FOXP2: variants seen among roughly 807,000 people sequenced by gnomAD.
The protein encoded by FOXP2 is forkhead box P2.
FOXP2 carries 12 observed loss-of-function variants against 115.8 expected under a neutral mutation model. The observed-to-expected ratio is 0.10, with a 90% CI of 0.07 to 0.17. The LOEUF is 0.17. Ranked by LOEUF, FOXP2 falls within the 10% of genes least tolerant of loss-of-function variation. The pLI, the probability that FOXP2 is intolerant of heterozygous loss-of-function variation, is 1.00. For synonymous variants in FOXP2, 328 were observed against 297.7 expected, an observed-to-expected ratio of 1.10 and a Z score of -1.05; for missense variants, 629 against 843.5, an observed-to-expected ratio of 0.75 and a Z score of 3.15.
chr7:114,574,893 T>C (rs1242290511), intron 3 of FOXP2, among the ~76,000 whole-genome samples: 1 of 151,906 alleles, frequency 6.6e-6, no homozygotes, highest in Non-Finnish European at 1.5e-5. Context: ...GTATAACTGC[T>C]TTATTTTCCA....
chr7:114,125,967 G>A (rs1418659794), intron 1 of FOXP2, among the ~76,000 whole-genome samples: 1 of 152,118 alleles, frequency 6.6e-6, no homozygotes, highest in Non-Finnish European at 1.5e-5. Flanking sequence ...TAACAGTTCA[G>A]TTGCATTTCA....
chr7:114,385,974 G>T lies in FOXP2; in HGVS notation c.-10-40528G>T, dbSNP rs572294573. 1.0e-3 allele frequency among the ~76,000 whole-genome samples: 156 copies of T among 152,364 alleles called. 1 individual carries two copies. The highest frequency in any genetic ancestry group is 3.6e-3 in the African/African-American group (148 of 41,588). Reference sequence around the variant, plus strand: ...CTATTAGAAGCCGTGGGTCACGGAAGAGAACCATGGAACCCAGTGACTAGT... The same window carrying T: ...CTATTAGAAGCCGTGGGTCACGGAATAGAACCATGGAACCCAGTGACTAGT... On this transcript the variant is annotated intron_variant, in intron 2 of 17. Coordinates refer to the FOXP2 transcript ENST00000634411.
intron 3 of FOXP2, among the ~76,000 whole-genome samples, chr7:114,606,884 C>T (rs575978957): frequency 4.6e-5 from 7 of 152,018 alleles, no homozygotes; most frequent in South Asian, 4.2e-4. Flanking sequence ...ATTTAATGCT[C>T]GCAATTAATG....
chr7:114,354,992 CAT>C (rs1433351010), intron 2 of FOXP2, among the ~76,000 whole-genome samples: 2 of 152,254 alleles, frequency 1.3e-5, no homozygotes, highest in Admixed American at 6.5e-5. Flanking sequence ...TCTTTGAAGA[CAT>C]GTCATCCATT....
Position 114,642,553 on chromosome 7 carries a change from G to A in FOXP2, c.919G>A (p.Ala307Thr). Residue 307 changes from alanine to threonine, a missense_variant, in exon 7 of 17, where the codon GCA (alanine) becomes ACA (threonine). Around this residue, in one of 9 missense-constraint regions of FOXP2, gnomAD observed 92 missense variants for 80.1 expected, o/e 1.15. Coordinates refer to ENST00000350908, the MANE Select transcript of FOXP2 (RefSeq NM_014491.4). ...SSTTSSNTSK[A>T]SPPITHHSIV... is the part of the protein sequence containing the mutation. ...GACTACCTCCTCCAACACTTCCAAA[G>A]CATCACCACCAATAACTCATCATTC... 1.9e-6 allele frequency: 3 copies of A among 1,613,688 alleles called. No individual in the cohort carries two copies. Among genetic ancestry groups the A allele is most frequent in the Non-Finnish European group, 1.7e-6 (2 of 1,179,924 alleles).
At chr7:114,127,147 C>G (rs950407010) in intron 1 of FOXP2, among the ~76,000 whole-genome samples, 6 of 152,104 alleles carry the variant, frequency 3.9e-5, no homozygotes, top group Non-Finnish European at 5.9e-5. Flanking sequence ...GCCTTTGTTC[C>G]TTGCTGGTTG....
In FOXP2 at chr7:114,587,643, G is replaced by A. The variant is rs114180507; in HGVS notation, c.259-40897G>A. ...GCAAATCCAAACACATAAAAATGTA[G>A]TAATTGTTAAGACTGGAAAACTGTG... On this transcript the variant is annotated intron_variant, in intron 3 of 16. Transcript: ENST00000350908. Among the ~76,000 whole-genome samples, 479 of 151,778 alleles carry A rather than the reference G, an allele frequency of 3.2e-3. 3 individuals carry two copies. Among genetic ancestry groups the A allele is most frequent in the African/African-American group, 0.011 (458 of 41,414 alleles).
At chr7:114,241,287 T>A (rs1359284660) in intron 1 of FOXP2, among the ~76,000 whole-genome samples, 1 of 152,086 alleles carries the variant, frequency 6.6e-6, no homozygotes, top group Non-Finnish European at 1.5e-5. Flanking sequence ...TTTTGTATGC[T>A]CATTCAGTAA....
chr7:114,090,858 T>A (rs912800477), intron 1 of FOXP2, among the ~76,000 whole-genome samples: 3 of 151,482 alleles, frequency 2.0e-5, no homozygotes, highest in African/African-American at 7.3e-5. Flanking sequence ...TGCTTTCTTA[T>A]GGAGGTATTC....
In FOXP2 at chr7:114,575,228, C is replaced by G. The variant is rs77147444; in HGVS notation, c.258+40522C>G. Among the ~76,000 whole-genome samples the G allele has an allele frequency of 3.0e-3, 459 of 151,800 alleles. 3 individuals carry two copies. Among genetic ancestry groups the G allele is most frequent in the African/African-American group, 0.01 (430 of 41,458 alleles). On this transcript the variant is annotated intron_variant, in intron 3 of 16. Coordinates refer to ENST00000350908, the MANE Select transcript of FOXP2 (RefSeq NM_014491.4). ...AAATTATAACAATAATACTACCTAC[C>G]TCATAAGGTGGTAACGGGAATTAAA... is the stretch of plus-strand genomic sequence containing the variant.
chr7:114,444,558 G>A (rs1794747084), intron 2 of FOXP2, among the ~76,000 whole-genome samples: 1 of 152,048 alleles, frequency 6.6e-6, no homozygotes, highest in Non-Finnish European at 1.5e-5. Flanking sequence ...TTATTAATTG[G>A]TATATGAATT....
rs114052255 is a variant in FOXP2 at position 114,306,687 on chromosome 7, G to A, written c.-11+18578G>A. On this transcript the variant is annotated intron_variant, in intron 2 of 17. Coordinates refer to the FOXP2 transcript ENST00000634411. The stretch of plus-strand genomic sequence containing the variant: ...ATAAACTTATTATCTCATAGTTCTG[G>A]AAGTCAGAAGTATGACATAGATTTC... 5.1e-3 allele frequency among the ~76,000 whole-genome samples: 780 copies of A among 152,216 alleles called. 8 individuals are homozygous for A. Among genetic ancestry groups the A allele is most frequent in the African/African-American group, 0.017 (687 of 41,514 alleles).
Position 114,231,040 on chromosome 7 carries a change from A to C in FOXP2, c.-101-56979A>C, listed in dbSNP as rs1584562366. 1.3e-5 allele frequency among the ~76,000 whole-genome samples: 2 copies of C among 151,764 alleles called. 1 individual carries two copies. The highest frequency in any genetic ancestry group is 4.2e-4 in the South Asian group (2 of 4,814). ...TTAGAAGCAATAAATGAATTCAGCAAATTTGCAGGATACGATATCAACATA... is the reference window on the plus strand; with the variant it reads ...TTAGAAGCAATAAATGAATTCAGCACATTTGCAGGATACGATATCAACATA... On this transcript the variant is annotated intron_variant, in intron 1 of 17. Coordinates refer to the FOXP2 transcript ENST00000634411.
rs1804803051 is a variant in FOXP2 at position 114,629,930 on chromosome 7, A to ACAGCAGCAACAACAG, written c.531_545dup (p.Gln187_Gln191dup). ...AACAGCAGCAGCAACAACAACAACA[A>ACAGCAGCAACAACAG]CAGCAGCAACAACAGCAGCAGCAGC... On this transcript the variant is annotated inframe_insertion, in exon 5 of 17. Coordinates refer to ENST00000350908, the MANE Select transcript of FOXP2 (RefSeq NM_014491.4). The ACAGCAGCAACAACAG allele has an allele frequency of 6.3e-7, 1 of 1,596,544 alleles. No homozygotes were observed. Among genetic ancestry groups the ACAGCAGCAACAACAG allele is most frequent in the Non-Finnish European group, 8.5e-7 (1 of 1,173,692 alleles).
intron 2 of FOXP2, among the ~76,000 whole-genome samples, chr7:114,357,536 G>T (rs1488690346): frequency 6.6e-6 from 1 of 152,122 alleles, no homozygotes; most frequent in East Asian, 1.9e-4. Context: ...TTTGGTGGTT[G>T]TGAAATGACT....
At chr7:114,123,351 C>CAAAAAAAA (rs35721597) in intron 1 of FOXP2, among the ~76,000 whole-genome samples, 1 of 78,408 alleles carries the variant, frequency 1.3e-5, no homozygotes. Context: ...AAAGCCCTGT[C>CAAAAAAAA]AAAAAAAAAA....
At chr7:114,462,616 C>T (rs1795627303) in intron 2 of FOXP2, among the ~76,000 whole-genome samples, 1 of 152,062 alleles carries the variant, frequency 6.6e-6, no homozygotes, top group Admixed American at 6.5e-5. Flanking sequence ...GGTGATCCGC[C>T]CGCCTCAGCC....
chr7:114,620,920 T>C (rs1190848879), intron 3 of FOXP2, among the ~76,000 whole-genome samples: 2 of 151,994 alleles, frequency 1.3e-5, no homozygotes, highest in East Asian at 3.9e-4. Context: ...GACCTAGGGG[T>C]ATACTACATT....
intron 1 of FOXP2, among the ~76,000 whole-genome samples, chr7:114,234,773 A>G (rs1479485993): frequency 6.6e-6 from 1 of 151,896 alleles, no homozygotes; most frequent in East Asian, 1.9e-4. Context: ...CTTGCCCTGC[A>G]TTTTCCATGG....
Sources: allele counts gnomAD v4.1 joint callset (sites outside exome capture counted in the v4.1 genomes callset), GRCh38; gene constraint gnomAD v4.1.1; regional missense constraint gnomAD v4.1.1; transcripts MANE v1.5; gene names NCBI Gene and HGNC (gene_info 2026-07-23, HGNC 2026-07-21).